Variants in SPIDR observed in about 807,000 individuals in gnomAD.
SPIDR encodes the protein scaffold protein involved in DNA repair, also known as DNA repair-scaffolding protein.
A neutral mutation model predicts 104.6 loss-of-function variants in SPIDR; 93 were observed. The ratio of observed to expected loss-of-function variants is 0.89; its 90% confidence interval spans 0.75 to 1.06. The LOEUF (loss-of-function observed/expected upper bound fraction) is 1.06, where lower values mean the gene tolerates loss of function less well. Ranked by LOEUF, SPIDR falls within the 50% of genes least tolerant of loss-of-function variation. The probability of loss-of-function intolerance (pLI) is 0.00; values close to 1 mark genes in which losing one functional copy is unlikely to be tolerated. For synonymous variants in SPIDR, 431 were observed against 416.9 expected (o/e 1.03, Z -0.41); for missense variants, 1,154 against 1,111.2 (o/e 1.04, Z -0.55).
chr8:47,317,173 C>T lies in SPIDR; in HGVS notation c.525+23143C>T, dbSNP rs1002772803. On this transcript the variant is annotated intron_variant, in intron 5 of 19. Coordinates refer to ENST00000297423, the MANE Select transcript of SPIDR (RefSeq NM_001080394.4). ...GCGAGGCATCACCTCACCCAGGAAGCGCAAGGGGTCAGGGAATTCCCTTTC... is the reference window on the plus strand; with the variant it reads ...GCGAGGCATCACCTCACCCAGGAAGTGCAAGGGGTCAGGGAATTCCCTTTC... Among the ~76,000 whole-genome samples, 426 of 152,266 alleles carry T rather than the reference C, an allele frequency of 2.8e-3. 3 individuals carry two copies. The highest frequency in any genetic ancestry group is 9.5e-3 in the African/African-American group (395 of 41,558).
chr8:47,374,972 T>C (rs1400348547), intron 5 of SPIDR, among the ~76,000 whole-genome samples: 1 of 152,022 alleles, frequency 6.6e-6, no homozygotes, highest in African/African-American at 2.4e-5. Flanking sequence ...AGGAGATCAC[T>C]TGAACCCGGG....
At chr8:47,689,798 C>T (rs2078364022) in intron 11 of SPIDR, among the ~76,000 whole-genome samples, 2 of 152,304 alleles carry the variant, frequency 1.3e-5, no homozygotes, top group Admixed American at 6.5e-5. Context: ...CCACCCCTCC[C>T]CAAGGCCAGC....
In SPIDR at chr8:47,494,292, A is replaced by AT. The variant is rs34699907; in HGVS notation, c.1097+53764dup. On this transcript the variant is annotated intron_variant, in intron 8 of 19. Coordinates refer to ENST00000297423, the MANE Select transcript of SPIDR (RefSeq NM_001080394.4). ...TGTAAGCCACCATGCCTGGCCTAGA[A>AT]TTTTTTTTTTTTTTAAAGACAGGGT... is the stretch of plus-strand genomic sequence containing the variant. 7.4e-3 allele frequency among the ~76,000 whole-genome samples: 1,042 copies of AT among 141,128 alleles called. 6 individuals are homozygous for AT. Among genetic ancestry groups the AT allele is most frequent in the African/African-American group, 0.023 (867 of 38,338 alleles). 92.6% of individuals were successfully genotyped at this position (141,128 alleles called of 152,430 possible). A position where few individuals can be genotyped will look rare whatever the true frequency, so the allele number is the denominator to read the frequency against.
chr8:47,538,432 T>C (rs1202375988), intron 8 of SPIDR, among the ~76,000 whole-genome samples: 1 of 151,754 alleles, frequency 6.6e-6, no homozygotes, highest in Non-Finnish European at 1.5e-5. Flanking sequence ...TAGTCCCAGC[T>C]ACTAGGGAGG....
At chr8:47,545,119 C>CTTTCTTTCT (rs1406970191) in intron 8 of SPIDR, among the ~76,000 whole-genome samples, 45 of 23,926 alleles carry the variant, frequency 1.9e-3, no homozygotes, top group South Asian at 7.7e-3. Flanking sequence ...TTCTTTCTTT[C>CTTTCTTTCT]TTTTTTTTTT....
chr8:47,273,271 G>A (rs1291340900), intron 1 of SPIDR, among the ~76,000 whole-genome samples: 3 of 152,174 alleles, frequency 2.0e-5, no homozygotes, highest in South Asian at 2.1e-4. Context: ...CCTTAGGTTC[G>A]ATTAATTTGC....
Position 47,279,947 on chromosome 8 carries a change from G to A in SPIDR, c.119G>A (p.Gly40Glu), listed in dbSNP as rs1317280530. ...QVRRAGLRTA[G>E]AAASLSEAWL... Reference sequence around the variant, plus strand: ...AGAAGAGCAGGTCTCAGGACAGCAGGGGCAGCTGCCTCTCTCTCTGAAGCA... The same window carrying A: ...AGAAGAGCAGGTCTCAGGACAGCAGAGGCAGCTGCCTCTCTCTCTGAAGCA... Residue 40 changes from glycine (G) to glutamate (E), a missense_variant, in exon 2 of 20, where the codon GGG becomes GAG. By Grantham distance (98) the Gly-to-Glu change is moderately conservative. Coordinates refer to ENST00000297423, the MANE Select transcript of SPIDR (RefSeq NM_001080394.4). The A allele has an allele frequency of 3.1e-6, 5 of 1,614,016 alleles. No individual in the cohort carries two copies. The African/African-American group carries it at 6.7e-5, about 22-fold the overall frequency.
chr8:47,263,562 G>A (rs534544362), intron 1 of SPIDR, among the ~76,000 whole-genome samples: 3 of 152,054 alleles, frequency 2.0e-5, no homozygotes, highest in Non-Finnish European at 4.4e-5. Flanking sequence ...GTCGTGATCC[G>A]CCCGCCTCGG....
At chr8:47,708,195 A>G (rs866386797) in intron 14 of SPIDR, among the ~76,000 whole-genome samples, 11 of 152,196 alleles carry the variant, frequency 7.2e-5, no homozygotes, top group African/African-American at 2.4e-4. Context: ...GCTACCCGGG[A>G]GTCTGAGGCT....
intron 8 of SPIDR, among the ~76,000 whole-genome samples, chr8:47,545,906 A>G (rs1261146788): frequency 6.6e-6 from 1 of 152,058 alleles, no homozygotes; most frequent in East Asian, 1.9e-4. Context: ...TTTTTTCTTT[A>G]TAATTTAATG....
At chr8:47,658,324 A>G (rs1460079613) in intron 10 of SPIDR, among the ~76,000 whole-genome samples, 1 of 151,534 alleles carries the variant, frequency 6.6e-6, no homozygotes, top group Admixed American at 6.6e-5. Context: ...AGGCTGAGGT[A>G]GGAGAATCGC....
At chr8:47,567,225 A>T (rs56168353) in intron 8 of SPIDR, among the ~76,000 whole-genome samples, 66,454 of 147,930 alleles carry the variant, frequency 0.45, 16,584 homozygotes, top group East Asian at 0.59. Context: ...ATATATATAT[A>T]TATTTTTTTT....
chr8:47,357,914 C>T (rs564212242), intron 5 of SPIDR: 1 of 969,976 alleles, frequency 1.0e-6, no homozygotes. Flanking sequence ...AAGTACTCAC[C>T]TGTGATTTCA....
intron 7 of SPIDR, among the ~76,000 whole-genome samples, chr8:47,433,913 A>AC (rs11385049): frequency 1 from 152,233 of 152,234 alleles, 76,116 homozygotes; most frequent in Middle Eastern, 1. Flanking sequence ...CAGGGTATAC[A>AC]CCTTCTTCAT....
chr8:47,290,999 G>A (rs2154237771), intron 3 of SPIDR, 34 bp from the exon 4 acceptor site: 1 of 1,518,402 alleles, frequency 6.6e-7, no homozygotes, highest in East Asian at 2.3e-5. Context: ...CATATAAGGA[G>A]ATCATATTTA....
rs2084898755 is a variant in SPIDR at position 47,729,742 on chromosome 8, CAG to C, written c.2604+280_2604+281del. 6 of 462,726 alleles carry C rather than the reference CAG, an allele frequency of 1.3e-5. No homozygotes were observed. The South Asian group carries it at 1.8e-4, about 14-fold the overall frequency. 28.7% of individuals were successfully genotyped at this position (462,726 alleles called of 1,614,324 possible). A position where few individuals can be genotyped will look rare whatever the true frequency, so the allele number is the denominator to read the frequency against. ...GTTTGTTTTTGTTTTTGTTTTTAGA[CAG>C]AGTCTCATTCTCTGTCCAGGCTAGA... On this transcript the variant is annotated intron_variant, in intron 19 of 19. Transcript: ENST00000297423.
intron 8 of SPIDR, among the ~76,000 whole-genome samples, chr8:47,498,382 C>A (rs1356571880): frequency 2.0e-5 from 3 of 152,158 alleles, no homozygotes; most frequent in Non-Finnish European, 4.4e-5. Context: ...CTTTTATGAT[C>A]TAACACACTG....
chr8:47,434,174 G>A (rs1324186596), intron 7 of SPIDR, among the ~76,000 whole-genome samples: 3 of 152,196 alleles, frequency 2.0e-5, no homozygotes, highest in African/African-American at 7.2e-5. Flanking sequence ...CATCACAGCT[G>A]GTGGTAACCA....
intron 5 of SPIDR, among the ~76,000 whole-genome samples, chr8:47,303,760 G>A (rs2042650076): frequency 1.3e-5 from 2 of 152,140 alleles, no homozygotes; most frequent in Non-Finnish European, 2.9e-5. Flanking sequence ...CAGTTTATTA[G>A]TATATTGGTG....
Sources: allele counts gnomAD v4.1 joint callset (sites outside exome capture counted in the v4.1 genomes callset), GRCh38; gene constraint gnomAD v4.1.1; transcripts MANE v1.5; gene names NCBI Gene and HGNC (gene_info 2026-07-23, HGNC 2026-07-21).